The following EIF4G3 variants were observed in gnomAD, a reference collection of about 807,000 sequenced individuals.
EIF4G3 encodes the protein eIF-4-gamma 3.
Under a neutral mutation model 186.4 loss-of-function variants are expected in EIF4G3, and 34 were observed. The observed-to-expected ratio is 0.18, with a 90% CI of 0.14 to 0.24. The LOEUF is 0.24. Among genes scored for constraint, EIF4G3 ranks in the 10% least tolerant of loss-of-function variants. The probability of loss-of-function intolerance (pLI) is 1.00; values close to 1 mark genes in which losing one functional copy is unlikely to be tolerated. For synonymous variants in EIF4G3, 673 were observed against 679.5 expected (o/e 0.99, Z 0.15); for missense variants, 1,536 against 1,948.5 (o/e 0.79, Z 3.99).
chr1:20,892,903 G>A (rs2086600564), intron 18 of EIF4G3, among the ~76,000 whole-genome samples: 1 of 152,040 alleles, frequency 6.6e-6, no homozygotes, highest in African/African-American at 2.4e-5. Context: ...GCAGTGGCAT[G>A]ATCATGGCTC....
chr1:21,163,445 G>C (rs554449513), intron 2 of EIF4G3, among the ~76,000 whole-genome samples: 1 of 152,290 alleles, frequency 6.6e-6, no homozygotes, highest in South Asian at 2.1e-4. Context: ...TTAGGTACTT[G>C]ATGCCATTAA....
intron 7 of EIF4G3, among the ~76,000 whole-genome samples, chr1:20,983,386 T>C (rs1043921274): frequency 6.6e-6 from 1 of 152,186 alleles, no homozygotes; most frequent in East Asian, 1.9e-4. Flanking sequence ...CTTCTAGTTA[T>C]CTCCACTGAC....
At chr1:21,088,864 CAAAATAATA>C (rs1241411057) in intron 3 of EIF4G3, among the ~76,000 whole-genome samples, 4 of 151,434 alleles carry the variant, frequency 2.6e-5, no homozygotes, top group Non-Finnish European at 5.9e-5. Context: ...AACTCTGTCT[CAAAATAATA>C]AAAATAATAA....
chr1:20,807,238 C>T lies in EIF4G3; in HGVS notation c.*81G>A. On this transcript the variant is annotated 3_prime_UTR_variant, in exon 37 of 37. Transcript: ENST00000602326. ...GTTTCTGCGAGAATTGGCCTTGCTG[C>T]ACTGTGATTGGCGAAGACGTGAAAC... The T allele has an allele frequency of 7.3e-7, 1 of 1,363,476 alleles. No individual in the cohort carries two copies. Among genetic ancestry groups the T allele is most frequent in the Non-Finnish European group, 1.0e-6 (1 of 996,868 alleles). The allele number at this position is 1,363,476 out of a possible 1,614,324, so 84.5% of individuals were successfully genotyped here.
rs544476671 is a variant in EIF4G3 at position 20,981,284 on chromosome 1, A to C, written c.199-57T>G. ...TTTTTTTAACACAGGGGAATATATA[A>C]ATTTTACTGTCTCCTTTTCTTCACT... is the stretch of plus-strand genomic sequence containing the variant. On this transcript the variant is annotated intron_variant, in intron 8 of 36. Transcript: ENST00000602326. 8 of 1,122,852 alleles carry C rather than the reference A, an allele frequency of 7.1e-6. No homozygotes were observed. The East Asian group carries it at 1.0e-4, about 15-fold the overall frequency. 69.6% of individuals were successfully genotyped at this position (1,122,852 alleles called of 1,614,324 possible). A position where few individuals can be genotyped will look rare whatever the true frequency, so the allele number is the denominator to read the frequency against.
chr1:20,893,096 T>TA (rs1399035779), intron 18 of EIF4G3: 1 of 174,756 alleles, frequency 5.7e-6, no homozygotes, highest in East Asian at 1.5e-4. Context: ...TTCTTTTCTT[T>TA]TTTTTTTTTT....
At chr1:20,872,656 C>A (rs1341345521) in intron 20 of EIF4G3, among the ~76,000 whole-genome samples, 1 of 151,276 alleles carries the variant, frequency 6.6e-6, no homozygotes, top group Non-Finnish European at 1.5e-5. Context: ...AGCACATCCA[C>A]AACCCCTTGT....
intron 4 of EIF4G3, among the ~76,000 whole-genome samples, chr1:21,011,932 T>G (rs2154569981): frequency 1.3e-5 from 2 of 152,148 alleles, no homozygotes; most frequent in East Asian, 3.9e-4. Context: ...CCATTTTACT[T>G]GAAAGAAGGA....
intron 2 of EIF4G3, among the ~76,000 whole-genome samples, chr1:21,155,988 G>T (rs972197349): frequency 6.6e-6 from 1 of 151,948 alleles, no homozygotes; most frequent in Admixed American, 6.6e-5. Context: ...TTAGCTGGGC[G>T]TGGTGGCACA....
At chr1:21,003,767 T>C in intron 4 of EIF4G3, 1 of 450,308 alleles carries the variant, frequency 2.2e-6, no homozygotes, top group South Asian at 1.7e-5. Flanking sequence ...TTTTCCCTGC[T>C]CTCTGATCAT....
chr1:20,985,135 A>G (rs1156570240), intron 7 of EIF4G3, among the ~76,000 whole-genome samples: 1 of 152,150 alleles, frequency 6.6e-6, no homozygotes, highest in Non-Finnish European at 1.5e-5. Context: ...CTTTACAAAC[A>G]CTGAAAGGAT....
Position 20,896,441 on chromosome 1 carries a change from AAAAAAAAAAAAG to A in EIF4G3, c.2000-952_2000-941del, listed in dbSNP as rs899776999. On this transcript the variant is annotated intron_variant, in intron 16 of 36. Coordinates refer to ENST00000602326, the MANE Select transcript of EIF4G3 (RefSeq NM_001391906.1). ...ACAGAGTGAGATTCTATCTCAAAAA[AAAAAAAAAAAAG>A]AAAAAGAAAAAGAAAAAGGAAAAAG... is the stretch of plus-strand genomic sequence containing the variant. Among the ~76,000 whole-genome samples, 6 of 151,320 alleles carry A rather than the reference AAAAAAAAAAAAG, an allele frequency of 4.0e-5. No individual in the cohort carries two copies. In the East Asian group the frequency reaches 7.7e-4, roughly 20 times the overall value.
intron 4 of EIF4G3, among the ~76,000 whole-genome samples, chr1:21,032,592 A>G (rs1020509169): frequency 2.6e-5 from 4 of 152,194 alleles, no homozygotes; most frequent in Admixed American, 2.6e-4. Flanking sequence ...CTGATTTACA[A>G]TAAGACTGGG....
intron 3 of EIF4G3, among the ~76,000 whole-genome samples, chr1:21,062,882 T>C (rs2095000030): frequency 1.3e-5 from 2 of 152,112 alleles, no homozygotes; most frequent in Non-Finnish European, 2.9e-5. Flanking sequence ...TGAGCCACGG[T>C]GCCCAGCCAA....
intron 33 of EIF4G3, among the ~76,000 whole-genome samples, chr1:20,822,829 T>C (rs990725429): frequency 2.6e-5 from 4 of 152,152 alleles, no homozygotes; most frequent in Non-Finnish European, 4.4e-5. Context: ...TAAAAATGTT[T>C]TTTACTATCA....
chr1:21,154,405 G>A (rs1040372257), intron 2 of EIF4G3, among the ~76,000 whole-genome samples: 1 of 152,142 alleles, frequency 6.6e-6, no homozygotes, highest in African/African-American at 2.4e-5. Flanking sequence ...TTTTGTGAGA[G>A]CCAGAAAGGC....
chr1:20,960,572 C>T (rs1430108839), intron 12 of EIF4G3, among the ~76,000 whole-genome samples: 4 of 151,846 alleles, frequency 2.6e-5, no homozygotes, highest in South Asian at 2.1e-4. Context: ...GGCAACATAA[C>T]GAGACCTCAT....
chr1:21,153,474 G>C (rs1412309124), intron 2 of EIF4G3, among the ~76,000 whole-genome samples: 2 of 152,202 alleles, frequency 1.3e-5, no homozygotes, highest in Non-Finnish European at 2.9e-5. Context: ...TCAAGTCCCA[G>C]CATTCAATAA....
chr1:21,118,778 T>C (rs2096873528), intron 2 of EIF4G3, among the ~76,000 whole-genome samples: 1 of 137,686 alleles, frequency 7.3e-6, no homozygotes, highest in Non-Finnish European at 1.5e-5. Context: ...AGAGCGAGAC[T>C]ACATCTCAAA....
Sources: gnomAD v4.1 joint callset for allele counts (sites outside exome capture counted in the v4.1 genomes callset) on GRCh38, gnomAD v4.1.1 for gene constraint, MANE v1.5 for transcripts, NCBI Gene and HGNC (gene_info 2026-07-23, HGNC 2026-07-21) for gene names.